The following KAT2B variants were observed in gnomAD, a reference collection of about 807,000 sequenced individuals.
KAT2B encodes the protein histone acetyltransferase KAT2B.
KAT2B carries 36 observed loss-of-function variants against 105.9 expected under a neutral mutation model. The ratio of observed to expected loss-of-function variants is 0.34; its 90% CI spans 0.26 to 0.45. The LOEUF is 0.45. KAT2B is among the 20% of genes least tolerant of loss of function. The pLI, the probability that KAT2B is intolerant of heterozygous loss-of-function variation, is 1.00. For synonymous variants in KAT2B, 397 were observed against 377.9 expected (o/e 1.05, Z -0.59); for missense variants, 820 against 1,021.6 (o/e 0.80, Z 2.69).
At chr3:20,123,925 A>G (rs755216745) in intron 9 of KAT2B, among the ~76,000 whole-genome samples, 1 of 152,206 alleles carries the variant, frequency 6.6e-6, no homozygotes, top group Non-Finnish European at 1.5e-5. Flanking sequence ...TTCTTAAGAC[A>G]TACCTGTCTT....
In KAT2B at chr3:20,054,838, C is replaced by G. The variant is rs1697978205; in HGVS notation, c.303+14058C>G. ...GATTGGCACATACTCACAGGACTAC[C>G]TGACTCATCCCACCTCGAAAGGAAC... On this transcript the variant is annotated intron_variant, in intron 1 of 17. Transcript: ENST00000263754. 2.6e-5 allele frequency among the ~76,000 whole-genome samples: 4 copies of G among 152,314 alleles called. No individual in the cohort carries two copies. The South Asian group carries it at 8.3e-4, about 32-fold the overall frequency.
intron 6 of KAT2B, among the ~76,000 whole-genome samples, chr3:20,114,634 CAT>C (rs1295166551): frequency 6.6e-6 from 1 of 152,152 alleles, no homozygotes; most frequent in Non-Finnish European, 1.5e-5. Flanking sequence ...TGATGTAATT[CAT>C]ATGTCTGTAT....
rs1699786612 is a variant in KAT2B at position 20,146,544 on chromosome 3, G to T, written c.2119+114G>T. On this transcript the variant is annotated intron_variant, in intron 14 of 17. Transcript: ENST00000263754. ...AAGCTTTATTGCCCTGCCCGTCTCT[G>T]TGTTATCTCTAGTCTTTTAAGAAGG... The T allele has an allele frequency of 6.3e-6, 4 of 639,992 alleles. 1 individual carries two copies. The highest frequency in any genetic ancestry group is 1.8e-5 in the South Asian group (1 of 55,080). 39.6% of individuals were successfully genotyped at this position (639,992 alleles called of 1,614,324 possible). A position where few individuals can be genotyped will look rare whatever the true frequency, so the allele number is the denominator to read the frequency against.
Position 20,152,665 on chromosome 3 carries a change from A to C in KAT2B, c.*140A>C. 1 of 583,132 alleles carries C rather than the reference A, an allele frequency of 1.7e-6. No homozygotes were observed. The highest frequency in any genetic ancestry group is 2.9e-6 in the Non-Finnish European group (1 of 344,410). The allele number at this position is 583,132 out of a possible 1,614,324, so 36.1% of individuals were successfully genotyped here. On this transcript the variant is annotated 3_prime_UTR_variant, in exon 18 of 18. Transcript: ENST00000263754. ...AATTAGCACTTTTGAAAAAACAAAA[A>C]ACCTCCTTTTAGCTTTTCAGATATG...
At chr3:20,087,533 G>T (rs1241547639) in intron 2 of KAT2B, among the ~76,000 whole-genome samples, 1 of 151,950 alleles carries the variant, frequency 6.6e-6, no homozygotes, top group Non-Finnish European at 1.5e-5. Flanking sequence ...AATTGATTCT[G>T]TTAGCAATTT....
rs1350029101 is a variant in KAT2B, at chr3:20,064,994, A to G, written c.304-7339A>G. On this transcript the variant is annotated intron_variant, in intron 1 of 17. Transcript: ENST00000263754. ...ACACTGCGTGAACTGTGAGCTCTCC[A>G]CCCCTTGTCTGTCTGTAATCTGGGT... Among the ~76,000 whole-genome samples the G allele has an allele frequency of 2.0e-5, 3 of 151,890 alleles. No individual in the cohort carries two copies. In the East Asian group the frequency reaches 5.8e-4, roughly 29 times the overall value.
In KAT2B at chr3:20,073,714, A is replaced by T. The variant is rs13100028; in HGVS notation, c.430+1255A>T. Among the ~76,000 whole-genome samples, 21 of 53,170 alleles carry T rather than the reference A, an allele frequency of 3.9e-4. No homozygotes were observed. The East Asian group carries it at 7.0e-3, about 18-fold the overall frequency. 34.9% of individuals were successfully genotyped at this position (53,170 alleles called of 152,430 possible). On this transcript the variant is annotated intron_variant, in intron 2 of 17. Transcript: ENST00000263754. ...GTCCTTGATTATAATTTACCTTTTT[A>T]AAAAAATAAATAAATAAAACAGAAC...
intron 1 of KAT2B, among the ~76,000 whole-genome samples, chr3:20,062,510 G>C (rs1419918307): frequency 6.9e-6 from 1 of 145,478 alleles, no homozygotes; most frequent in Non-Finnish European, 1.5e-5. Context: ...CACCCAGGCT[G>C]GAGTGCAGTG....
chr3:20,072,437 T>C lies in KAT2B; in HGVS notation c.408T>C (p.Cys136=). Residue 136 remains cysteine, a synonymous_variant, in exon 2 of 18, where the codon TGT becomes TGC. Coordinates refer to ENST00000263754, the MANE Select transcript of KAT2B (RefSeq NM_003884.5). ...QQIIVSLTES[C]RSCSHALAAH... is the part of the protein sequence containing the mutation. ...TAATTGTCAGTCTAACAGAATCCTG[T>C]CGGAGTTGTAGCCATGCCCTAGGTG... 5 of 1,613,920 alleles carry C rather than the reference T, an allele frequency of 3.1e-6. No individual in the cohort carries two copies. The highest frequency in any genetic ancestry group is 4.2e-6 in the Non-Finnish European group (5 of 1,179,784).
At chr3:20,099,532 G>A (rs1698871660) in intron 3 of KAT2B, among the ~76,000 whole-genome samples, 1 of 152,216 alleles carries the variant, frequency 6.6e-6, no homozygotes. Context: ...AAACAGTGGG[G>A]AGAAGAGGGA....
chr3:20,124,104 C>G (rs1699357090), intron 9 of KAT2B, among the ~76,000 whole-genome samples: 1 of 152,054 alleles, frequency 6.6e-6, no homozygotes, highest in Non-Finnish European at 1.5e-5. Context: ...ATTGATCTTT[C>G]CATTTCCTCC....
At chr3:20,085,672 G>A (rs941288553) in intron 2 of KAT2B, among the ~76,000 whole-genome samples, 4 of 151,588 alleles carry the variant, frequency 2.6e-5, no homozygotes, top group Admixed American at 2.0e-4. Context: ...CACCACACCC[G>A]GCTATTTTTT....
chr3:20,098,038 T>C (rs989357667), intron 3 of KAT2B, among the ~76,000 whole-genome samples: 2 of 152,040 alleles, frequency 1.3e-5, no homozygotes, highest in Admixed American at 6.6e-5. Flanking sequence ...AAGACCAGCC[T>C]GGCAAACATG....
chr3:20,100,027 T>G, intron 4 of KAT2B, 73 bp downstream of exon 4: 1 of 798,144 alleles, frequency 1.3e-6, no homozygotes, highest in Non-Finnish European at 2.2e-6. Flanking sequence ...CTTTTATATC[T>G]CTATCTACGG....
At chr3:20,122,529 C>T in intron 8 of KAT2B, 139 bp from the exon 9 acceptor site, 1 of 582,854 alleles carries the variant, frequency 1.7e-6, no homozygotes, top group Non-Finnish European at 3.0e-6. Context: ...TCCTGTCTTC[C>T]TTTGTCACCC....
chr3:20,049,394 G>A (rs1489328550), intron 1 of KAT2B, among the ~76,000 whole-genome samples: 1 of 152,168 alleles, frequency 6.6e-6, no homozygotes, highest in Admixed American at 6.5e-5. Flanking sequence ...CTTCTACCCG[G>A]GGAAAGTGGA....
chr3:20,146,417 C>T lies in KAT2B; in HGVS notation c.2106C>T (p.Ser702=). 6.2e-7 allele frequency: 1 copy of T among 1,605,830 alleles called. No homozygotes were observed. The highest frequency in any genetic ancestry group is 8.5e-7 in the Non-Finnish European group (1 of 1,172,690). ...KDGVRQIPIE[S]IPGIRETGWK... is the part of the protein sequence containing the mutation. ...GAGTTCGACAGATTCCTATAGAAAG[C>T]ATTCCTGGAATTAGTACGTATAGAC... is the stretch of plus-strand genomic sequence containing the variant. Residue 702 remains serine (S), a synonymous_variant, in exon 14 of 18, where the codon AGC becomes AGT. Coordinates refer to ENST00000263754, the MANE Select transcript of KAT2B (RefSeq NM_003884.5).
intron 11 of KAT2B, among the ~76,000 whole-genome samples, chr3:20,129,060 G>A (rs979844393): frequency 1.3e-5 from 2 of 151,000 alleles, no homozygotes; most frequent in Non-Finnish European, 1.5e-5. Context: ...TTTCATGGGT[G>A]GACTAAAGAT....
chr3:20,128,968 C>G (rs987741598), intron 11 of KAT2B, among the ~76,000 whole-genome samples: 1 of 138,426 alleles, frequency 7.2e-6, no homozygotes, highest in East Asian at 2.1e-4. Flanking sequence ...GATCACAGCA[C>G]TGCACTCCAG....
Sources: allele counts gnomAD v4.1 joint callset (sites outside exome capture counted in the v4.1 genomes callset), GRCh38; gene constraint gnomAD v4.1.1; transcripts MANE v1.5; gene names NCBI Gene and HGNC (gene_info 2026-07-23, HGNC 2026-07-21).